Variants in CTNNA3 observed in about 807,000 individuals in gnomAD.
The protein encoded by CTNNA3 is catenin alpha 3.
A neutral mutation model predicts 95.7 loss-of-function variants in CTNNA3; 76 were observed. The ratio of observed to expected loss-of-function variants is 0.79; its 90% CI spans 0.66 to 0.96. The LOEUF (loss-of-function observed/expected upper bound fraction) is 0.96, where lower values mean the gene tolerates loss of function less well. Among genes scored for constraint, CTNNA3 ranks in the 40% least tolerant of loss-of-function variants. The pLI is 0.00. For synonymous variants in CTNNA3, 431 were observed against 374.4 expected (o/e 1.15, Z -1.74); for missense variants, 1,191 against 1,089.8 (o/e 1.09, Z -1.31).
In CTNNA3 at chr10:66,175,233, T is replaced by G. The variant is rs183055426; in HGVS notation, c.1885-71984A>C. Among the ~76,000 whole-genome samples, 88 of 152,150 alleles carry G rather than the reference T, an allele frequency of 5.8e-4. 2 individuals carry two copies. The highest frequency in any genetic ancestry group is 2.0e-3 in the African/African-American group (84 of 41,520). ...TAAAGCCATGACAGGTTAACTGACT[T>G]GCTCATATCCATGCTCCTTCTAGAT... On this transcript the variant is annotated intron_variant, in intron 13 of 17. Transcript: ENST00000433211.
chr10:67,524,846 A>G (rs1037694347), intron 4 of CTNNA3, among the ~76,000 whole-genome samples: 9 of 152,288 alleles, frequency 5.9e-5, no homozygotes, highest in Non-Finnish European at 1.3e-4. Context: ...ACAGAAGATA[A>G]AAGTTAGGTT....
At chr10:66,006,789 C>A (rs1564573177) in intron 15 of CTNNA3, among the ~76,000 whole-genome samples, 1 of 152,148 alleles carries the variant, frequency 6.6e-6, no homozygotes, top group Non-Finnish European at 1.5e-5. Flanking sequence ...TAGCATCTGA[C>A]CTTCTTAAAG....
chr10:66,368,229 T>C (rs776981893), intron 12 of CTNNA3, among the ~76,000 whole-genome samples: 1 of 152,172 alleles, frequency 6.6e-6, no homozygotes, highest in South Asian at 2.1e-4. Flanking sequence ...AATTTTCTCA[T>C]GAACATGAAG....
intron 10 of CTNNA3, among the ~76,000 whole-genome samples, chr10:66,535,551 T>G (rs1552410): frequency 0.71 from 108,547 of 152,042 alleles, 40,306 homozygotes; most frequent in Non-Finnish European, 0.81. Context: ...ATCTGGCAGG[T>G]TCTATTTGAA....
intron 7 of CTNNA3, among the ~76,000 whole-genome samples, chr10:67,022,044 A>G (rs982336971): frequency 2.0e-5 from 3 of 152,194 alleles, no homozygotes; most frequent in Non-Finnish European, 4.4e-5. Flanking sequence ...TGGAAGTACG[A>G]AGTGTATTTC....
chr10:67,602,814 C>T (rs558460320), intron 3 of CTNNA3, among the ~76,000 whole-genome samples: 22 of 152,094 alleles, frequency 1.4e-4, no homozygotes, highest in Non-Finnish European at 1.5e-4. Flanking sequence ...GAAACAATGT[C>T]AGGATAGGGC....
chr10:66,933,842 T>C (rs1847542908), intron 7 of CTNNA3, among the ~76,000 whole-genome samples: 1 of 152,186 alleles, frequency 6.6e-6, no homozygotes, highest in Middle Eastern at 3.2e-3. Flanking sequence ...CTCTTACCAA[T>C]ATGAAGTAGC....
At chr10:66,962,399 G>GT (rs1358916831) in intron 7 of CTNNA3, among the ~76,000 whole-genome samples, 1 of 147,260 alleles carries the variant, frequency 6.8e-6, no homozygotes, top group African/African-American at 2.5e-5. Context: ...TTTTTGTTTT[G>GT]TTTTTTGTTT....
At chr10:66,199,097 T>C (rs2087146466) in intron 13 of CTNNA3, among the ~76,000 whole-genome samples, 1 of 152,116 alleles carries the variant, frequency 6.6e-6, no homozygotes, top group Non-Finnish European at 1.5e-5. Context: ...GATGCTAACA[T>C]GACTCCCTAC....
intron 17 of CTNNA3, among the ~76,000 whole-genome samples, chr10:65,948,933 C>T (rs1795485078): frequency 6.6e-6 from 1 of 152,120 alleles, no homozygotes; most frequent in Non-Finnish European, 1.5e-5. Flanking sequence ...TCTAGAGTAA[C>T]TAATTAATCC....
At chr10:66,367,941 G>A (rs1049375319) in intron 12 of CTNNA3, among the ~76,000 whole-genome samples, 2 of 144,662 alleles carry the variant, frequency 1.4e-5, no homozygotes, top group Non-Finnish European at 3.0e-5. Flanking sequence ...CTGGGAGCCC[G>A]CTGACTTTGT....
chr10:66,881,610 G>A (rs190336935), intron 7 of CTNNA3, among the ~76,000 whole-genome samples: 83 of 152,192 alleles, frequency 5.5e-4, no homozygotes, highest in Admixed American at 1.5e-3. Context: ...CTAATGTGCT[G>A]TTGTCATTCT....
Position 66,929,942 on chromosome 10 carries a change from G to C in CTNNA3, c.1048-154418C>G, listed in dbSNP as rs542006685. Among the ~76,000 whole-genome samples, 6 of 152,292 alleles carry C rather than the reference G, an allele frequency of 3.9e-5. No individual in the cohort carries two copies. The South Asian group carries it at 1.2e-3, about 32-fold the overall frequency. On this transcript the variant is annotated intron_variant, in intron 7 of 17. Coordinates refer to ENST00000433211, the MANE Select transcript of CTNNA3 (RefSeq NM_013266.4). ...AGCAAATATCAGGAACTGCAACATT[G>C]AGGCTGTTTCATTTAATTTGGCTTG...
intron 7 of CTNNA3, among the ~76,000 whole-genome samples, chr10:67,077,341 A>C (rs1856794353): frequency 6.6e-6 from 1 of 152,146 alleles, no homozygotes; most frequent in Non-Finnish European, 1.5e-5. Context: ...TAAAGTCTAA[A>C]TCCTTCAAAA....
At chr10:66,104,509 G>A (rs1308704418) in intron 13 of CTNNA3, among the ~76,000 whole-genome samples, 1 of 152,124 alleles carries the variant, frequency 6.6e-6, no homozygotes, top group African/African-American at 2.4e-5. Context: ...TGAAATGCAT[G>A]AATGTGAAGT....
intron 3 of CTNNA3, among the ~76,000 whole-genome samples, chr10:67,580,051 T>G (rs970861685): frequency 5.9e-5 from 9 of 152,300 alleles, no homozygotes; most frequent in South Asian, 4.1e-4. Context: ...GGAAGCTCTT[T>G]AGTTTAATTA....
chr10:67,217,279 C>A (rs1197988689), intron 6 of CTNNA3, among the ~76,000 whole-genome samples: 8 of 151,508 alleles, frequency 5.3e-5, no homozygotes, highest in Admixed American at 5.2e-4. Context: ...TTTAATTTAC[C>A]AAATCATTAA....
rs146949624 is a variant in CTNNA3, at chr10:66,496,014, C to G, written c.1531+24603G>C. On this transcript the variant is annotated intron_variant, in intron 11 of 17. Coordinates refer to ENST00000433211, the MANE Select transcript of CTNNA3 (RefSeq NM_013266.4). ...AACTATTTCCACCATGCAGTAATGA[C>G]AACAATCTAAGGAAATGTCCTAACA... 1.4e-4 allele frequency among the ~76,000 whole-genome samples: 21 copies of G among 152,160 alleles called. 1 individual carries two copies. Among genetic ancestry groups the G allele is most frequent in the African/African-American group, 4.6e-4 (19 of 41,506 alleles).
intron 17 of CTNNA3, among the ~76,000 whole-genome samples, chr10:65,959,554 T>G (rs1276188472): frequency 6.6e-6 from 1 of 152,218 alleles, no homozygotes; most frequent in Non-Finnish European, 1.5e-5. Flanking sequence ...AGACAAGGTC[T>G]GGCTCTATCA....
Sources: allele counts gnomAD v4.1 joint callset (sites outside exome capture counted in the v4.1 genomes callset), GRCh38; gene constraint gnomAD v4.1.1; transcripts MANE v1.5; gene names NCBI Gene and HGNC (gene_info 2026-07-23, HGNC 2026-07-21).